Variants in DSCAM observed in about 807,000 individuals in gnomAD.
DSCAM encodes the protein cell adhesion molecule DSCAM.
A neutral mutation model predicts 217.7 loss-of-function variants in DSCAM; 47 were observed. That is an observed-to-expected ratio of 0.22 (90% confidence interval 0.17 to 0.28). DSCAM has a LOEUF of 0.28. Among genes scored for constraint, DSCAM ranks in the 10% least tolerant of loss-of-function variants. The pLI is 1.00. For synonymous variants in DSCAM, 1,056 were observed against 1,015.3 expected (o/e 1.04, Z -0.76); for missense variants, 2,080 against 2,618.3 (o/e 0.79, Z 4.49).
rs546146086 is a variant in DSCAM, at chr21:40,033,561, C to G, written c.5686+8810G>C. Among the ~76,000 whole-genome samples the G allele has an allele frequency of 2.0e-5, 3 of 151,694 alleles. No homozygotes were observed. In the East Asian group the frequency reaches 5.8e-4, roughly 29 times the overall value. ...TCTTGCTGATTGCTAGCACAGCAGT[C>G]TGAGATCAAACTGCAAGGCGGCAGT... On this transcript the variant is annotated intron_variant, in intron 32 of 32. Coordinates refer to ENST00000400454, the MANE Select transcript of DSCAM (RefSeq NM_001389.5).
intron 1 of DSCAM, among the ~76,000 whole-genome samples, chr21:40,845,540 C>CTCCTCTCTCTCTCTCT (rs1555894716): frequency 7.2e-6 from 1 of 138,888 alleles, no homozygotes; most frequent in African/African-American, 2.8e-5. Flanking sequence ...CTCTTCTTCT[C>CTCCTCTCTCTCTCTCT]CTCTCTCTCT....
chr21:40,761,323 T>A (rs2091332586), intron 1 of DSCAM, among the ~76,000 whole-genome samples: 1 of 152,156 alleles, frequency 6.6e-6, no homozygotes, highest in African/African-American at 2.4e-5. Flanking sequence ...TCTACATGTA[T>A]TTCCTGGCTC....
chr21:40,312,669 G>A (rs1178839071), intron 8 of DSCAM, among the ~76,000 whole-genome samples: 9 of 152,158 alleles, frequency 5.9e-5, no homozygotes. Flanking sequence ...AGGGATTTAG[G>A]TTTGGTTTTC....
chr21:40,572,150 C>T (rs972821280), intron 3 of DSCAM, among the ~76,000 whole-genome samples: 4 of 150,466 alleles, frequency 2.7e-5, no homozygotes, highest in African/African-American at 9.8e-5. Flanking sequence ...TTCAGCACAA[C>T]CAGTAGCAAT....
chr21:40,053,093 G>GA (rs2088958738), intron 29 of DSCAM, among the ~76,000 whole-genome samples: 1 of 152,172 alleles, frequency 6.6e-6, no homozygotes, highest in Admixed American at 6.5e-5. Context: ...ACAGGGATGC[G>GA]AAAGTCGTAA....
chr21:40,485,387 C>T (rs541804684), intron 3 of DSCAM, among the ~76,000 whole-genome samples: 12 of 151,948 alleles, frequency 7.9e-5, no homozygotes, highest in African/African-American at 1.2e-4. Context: ...GGACTACAGG[C>T]GCCCGCCACC....
intron 3 of DSCAM, among the ~76,000 whole-genome samples, chr21:40,477,179 T>C (rs1376759855): frequency 1.3e-5 from 2 of 152,154 alleles, no homozygotes; most frequent in Non-Finnish European, 2.9e-5. Context: ...TCAAACCTCA[T>C]TCATACAATA....
rs150551890 is a variant in DSCAM, at chr21:40,173,314, T to G, written c.2947+5613A>C. The stretch of plus-strand genomic sequence containing the variant: ...GGATTGGATTCTTGGAGAATAATAT[T>G]TGAAAGTGGTAAGGGAAGAGACGAA... On this transcript the variant is annotated intron_variant, in intron 15 of 32. Coordinates refer to ENST00000400454, the MANE Select transcript of DSCAM (RefSeq NM_001389.5). Among the ~76,000 whole-genome samples the G allele has an allele frequency of 1.7e-3, 262 of 152,262 alleles. 6 individuals are homozygous for G. In the East Asian group the frequency reaches 0.038, roughly 22 times the overall value.
intron 3 of DSCAM, among the ~76,000 whole-genome samples, chr21:40,394,986 A>C (rs2075165696): frequency 6.6e-6 from 1 of 152,238 alleles, no homozygotes; most frequent in African/African-American, 2.4e-5. Flanking sequence ...GTAAAGGTAG[A>C]ATTAGGTAAT....
rs2091432843 is a variant in DSCAM, at chr21:40,770,253, TTA to T, written c.44-61484_44-61483del. 2.0e-5 allele frequency among the ~76,000 whole-genome samples: 3 copies of T among 152,212 alleles called. 1 individual carries two copies. The highest frequency in any genetic ancestry group is 2.1e-4 in the South Asian group (1 of 4,834). On this transcript the variant is annotated intron_variant, in intron 1 of 32. Coordinates refer to ENST00000400454, the MANE Select transcript of DSCAM (RefSeq NM_001389.5). ...AAAAGACTGGTCTCCTTAAATTCTT[TTA>T]GTTTCTCTTCATTTTTATCAAAATA...
chr21:40,351,133 A>T (rs777074624), intron 5 of DSCAM, among the ~76,000 whole-genome samples: 8 of 152,080 alleles, frequency 5.3e-5, no homozygotes, highest in Non-Finnish European at 1.2e-4. Context: ...AAGACATTAC[A>T]CATGTCTAGT....
At chr21:40,035,790 A>G (rs1416352167) in intron 32 of DSCAM, among the ~76,000 whole-genome samples, 1 of 146,700 alleles carries the variant, frequency 6.8e-6, no homozygotes, top group African/African-American at 2.7e-5. Flanking sequence ...GCAAATGTAA[A>G]AGAACAGAAA....
intron 3 of DSCAM, among the ~76,000 whole-genome samples, chr21:40,517,680 CAT>C (rs1342855443): frequency 4.6e-5 from 7 of 152,130 alleles, no homozygotes; most frequent in Non-Finnish European, 4.4e-5. Flanking sequence ...CATAAGAACA[CAT>C]AAATAGGAGC....
chr21:40,375,755 G>T (rs1182212706), intron 3 of DSCAM, among the ~76,000 whole-genome samples: 2 of 152,164 alleles, frequency 1.3e-5, no homozygotes, highest in African/African-American at 4.8e-5. Flanking sequence ...TTGAATGCAT[G>T]CATGGGTGGA....
chr21:40,239,085 T>C (rs902223172), intron 11 of DSCAM, among the ~76,000 whole-genome samples: 1 of 152,222 alleles, frequency 6.6e-6, no homozygotes, highest in Non-Finnish European at 1.5e-5. Context: ...CAGGCCATTA[T>C]GATGGATTAC....
chr21:40,550,538 T>C (rs2076621567), intron 3 of DSCAM, among the ~76,000 whole-genome samples: 1 of 152,136 alleles, frequency 6.6e-6, no homozygotes, highest in African/African-American at 2.4e-5. Flanking sequence ...AAAAAATTGC[T>C]TTTTCCTCAA....
chr21:40,037,590 C>A (rs2088650798), intron 32 of DSCAM, among the ~76,000 whole-genome samples: 1 of 149,146 alleles, frequency 6.7e-6, no homozygotes, highest in South Asian at 2.1e-4. Context: ...GGCCATACTG[C>A]CCAAGGTAAT....
intron 11 of DSCAM, among the ~76,000 whole-genome samples, chr21:40,274,890 T>C (rs1393346298): frequency 6.6e-6 from 1 of 152,216 alleles, no homozygotes; most frequent in Non-Finnish European, 1.5e-5. Context: ...TGGATACTTG[T>C]CTGTTTAGCT....
chr21:40,724,868 T>C (rs1163976162), intron 1 of DSCAM, among the ~76,000 whole-genome samples: 2 of 152,248 alleles, frequency 1.3e-5, no homozygotes, highest in Non-Finnish European at 2.9e-5. Flanking sequence ...CATTTTTCAT[T>C]TTGCTCTGAC....
Sources: gnomAD v4.1 joint callset for allele counts (sites outside exome capture counted in the v4.1 genomes callset) on GRCh38, gnomAD v4.1.1 for gene constraint, MANE v1.5 for transcripts, NCBI Gene and HGNC (gene_info 2026-07-23, HGNC 2026-07-21) for gene names.